CLIC5: variants seen among roughly 807,000 people sequenced by gnomAD.
The protein encoded by CLIC5 is chloride intracellular channel protein 5.
A neutral mutation model predicts 24.7 loss-of-function variants in CLIC5; 20 were observed. The ratio of observed to expected loss-of-function variants is 0.81; its 90% CI spans 0.57 to 1.18. CLIC5 has a LOEUF of 1.18. Ranked by LOEUF, CLIC5 falls within the 50% of genes most tolerant of loss-of-function variation. The pLI, the probability that CLIC5 is intolerant of heterozygous loss-of-function variation, is 0.00. For missense variants in CLIC5, 341 were observed against 326.1 expected (o/e 1.05, Z -0.35); for synonymous variants, 159 against 135.6 (o/e 1.17, Z -1.20).
upstream of CLIC5, among the ~76,000 whole-genome samples, chr6:46,016,851 C>T (rs1047532313): frequency 6.6e-5 from 10 of 152,306 alleles, no homozygotes; most frequent in East Asian, 3.9e-4. Context: ...TGGCTTCTTT[C>T]GCTCATTACT....
intron 1 of CLIC5, among the ~76,000 whole-genome samples, chr6:45,975,547 C>T (rs906563150): frequency 6.6e-6 from 1 of 152,156 alleles, no homozygotes; most frequent in Non-Finnish European, 1.5e-5. Context: ...CTCAGATTCT[C>T]ATTGGGGCAG....
At position 46,078,943 on chromosome 6, in the gene CLIC5, T is replaced by C. The variant is rs1167614824; in HGVS notation, c.540+760A>G. Among the ~76,000 whole-genome samples, 4 of 152,256 alleles carry C rather than the reference T, an allele frequency of 2.6e-5. No homozygotes were observed. In the South Asian group the frequency reaches 8.3e-4, roughly 32 times the overall value. On this transcript the variant is annotated intron_variant, in intron 1 of 5. Coordinates refer to the CLIC5 transcript ENST00000185206. Reference sequence around the variant, plus strand: ...GGAAAGAGCAGCATTTACAAATATATTTATATAATAAATGTGAAAACATTT... The same window carrying C: ...GGAAAGAGCAGCATTTACAAATATACTTATATAATAAATGTGAAAACATTT...
chr6:46,109,478 G>C, the CLIC5 span, among the ~76,000 whole-genome samples: 11 of 114,364 alleles, frequency 9.6e-5, no homozygotes, highest in African/African-American at 3.4e-4. Flanking sequence ...AAGAGATCGA[G>C]ACCATCCTGG....
intron 1 of CLIC5, among the ~76,000 whole-genome samples, chr6:45,987,736 A>G: frequency 6.6e-6 from 1 of 152,126 alleles, no homozygotes. Flanking sequence ...GGAGAAGGAG[A>G]GGGAGAGAGA....
chr6:45,953,058 T>C (rs1017112842), intron 2 of CLIC5, among the ~76,000 whole-genome samples: 1 of 152,106 alleles, frequency 6.6e-6, no homozygotes, highest in East Asian at 1.9e-4. Flanking sequence ...ATTTGAAAGA[T>C]GAAACAAACT....
In CLIC5 at chr6:46,007,691, C is replaced by T. The variant is rs1766637298; in HGVS notation, c.63+7789G>A. ...TCCTTAAACCCACATAGCGTATATC[C>T]CAAAGTGTTAGATTGGGAACTTATC... On this transcript the variant is annotated intron_variant, in intron 1 of 5. Transcript: ENST00000339561. Among the ~76,000 whole-genome samples the T allele has an allele frequency of 2.0e-5, 3 of 152,232 alleles. No homozygotes were observed. The South Asian group carries it at 6.2e-4, about 32-fold the overall frequency.
chr6:46,081,595 A>G (rs75066995), upstream of CLIC5, among the ~76,000 whole-genome samples: 784 of 152,336 alleles, frequency 5.1e-3, 11 homozygotes, highest in African/African-American at 0.018. Flanking sequence ...GTGACATTCA[A>G]TGGGTCCAAA....
chr6:46,073,376 C>G (rs2127475888), intron 1 of CLIC5, among the ~76,000 whole-genome samples: 1 of 152,288 alleles, frequency 6.6e-6, no homozygotes, highest in South Asian at 2.1e-4. Context: ...AAATCAGCAT[C>G]ACACCAGCTA....
rs1766984488 is a variant in CLIC5, at chr6:46,015,828, C to T, written c.-286G>A. The T allele has an allele frequency of 9.5e-6, 11 of 1,154,028 alleles. No homozygotes were observed. The South Asian group carries it at 3.9e-4, about 41-fold the overall frequency. The allele number at this position is 1,154,028 out of a possible 1,614,324, so 71.5% of individuals were successfully genotyped here. On this transcript the variant is annotated 5_prime_UTR_variant, in exon 1 of 6. Transcript: ENST00000339561. ...CGTGGGAGCAACAAGTGCCGGGCTGCCCGGAGGTGTCACAGGATCCGCGAC... is the reference window on the plus strand; with the variant it reads ...CGTGGGAGCAACAAGTGCCGGGCTGTCCGGAGGTGTCACAGGATCCGCGAC...
intron 4 of CLIC5, chr6:45,934,260 T>G (rs1763850910): frequency 6.6e-6 from 1 of 152,222 alleles, no homozygotes; most frequent in East Asian, 1.9e-4. Flanking sequence ...CTTGTTTTTC[T>G]TTCTCACCTC....
chr6:45,968,193 G>C (rs1346768408), intron 1 of CLIC5, among the ~76,000 whole-genome samples: 1 of 152,230 alleles, frequency 6.6e-6, no homozygotes, highest in East Asian at 1.9e-4. Context: ...CCACCATCAT[G>C]CATCTCTAAA....
intron 1 of CLIC5, among the ~76,000 whole-genome samples, chr6:45,993,768 C>T (rs1226485750): frequency 6.6e-6 from 1 of 152,168 alleles, no homozygotes; most frequent in Non-Finnish European, 1.5e-5. Flanking sequence ...AACAGATTTG[C>T]TAACAACTGT....
At chr6:45,939,490 C>T (rs147688504) in intron 4 of CLIC5, among the ~76,000 whole-genome samples, 1 of 152,164 alleles carries the variant, frequency 6.6e-6, no homozygotes, top group East Asian at 1.9e-4. Context: ...CACACCTGGC[C>T]CCTCTCCTAT....
At chr6:46,122,654 A>T in the CLIC5 span, among the ~76,000 whole-genome samples, 5 of 152,212 alleles carry the variant, frequency 3.3e-5, no homozygotes, top group African/African-American at 1.2e-4. Flanking sequence ...TGGTTTTTTA[A>T]AAAGATCAAC....
At chr6:45,994,600 C>T (rs1766060658) in intron 1 of CLIC5, among the ~76,000 whole-genome samples, 1 of 152,024 alleles carries the variant, frequency 6.6e-6, no homozygotes, top group African/African-American at 2.4e-5. Flanking sequence ...CACGTGTATC[C>T]CGGGACTTAA....
the CLIC5 span, among the ~76,000 whole-genome samples, chr6:46,108,537 C>T: frequency 9.7e-4 from 147 of 152,142 alleles, 1 homozygote; most frequent in Non-Finnish European, 1.9e-4. Context: ...GCTGAGATTA[C>T]AGGTGCCCAC....
At chr6:45,954,272 CAAAAA>C (rs11311720) in intron 2 of CLIC5, among the ~76,000 whole-genome samples, 14 of 76,560 alleles carry the variant, frequency 1.8e-4, no homozygotes, top group African/African-American at 4.5e-4. Context: ...GACTCTGTCT[CAAAAA>C]AAAAAAAAAA....
At chr6:46,111,082 T>G in the CLIC5 span, among the ~76,000 whole-genome samples, 1 of 152,186 alleles carries the variant, frequency 6.6e-6, no homozygotes, top group African/African-American at 2.4e-5. Context: ...CAATTTGGGC[T>G]GAACCCTTAA....
intron 1 of CLIC5, among the ~76,000 whole-genome samples, chr6:45,972,280 G>A (rs1318938199): frequency 6.6e-6 from 1 of 152,094 alleles, no homozygotes; most frequent in African/African-American, 2.4e-5. Flanking sequence ...CCTGTAATTG[G>A]GAATAATAAC....
Sources: allele counts gnomAD v4.1 joint callset (sites outside exome capture counted in the v4.1 genomes callset), GRCh38; gene constraint gnomAD v4.1.1; transcripts MANE v1.5; gene names NCBI Gene and HGNC (gene_info 2026-07-23, HGNC 2026-07-21).